Variants in CYTH2 observed in about 807,000 individuals in gnomAD.
CYTH2 encodes the protein cytohesin 2.
CYTH2 carries 24 observed loss-of-function variants against 55.4 expected under a neutral mutation model. The observed-to-expected ratio is 0.43, with a 90% CI of 0.31 to 0.61. The LOEUF (loss-of-function observed/expected upper bound fraction) is 0.61. Ranked by LOEUF, CYTH2 falls within the 20% of genes least tolerant of loss-of-function variation. The pLI, the probability that CYTH2 is intolerant of heterozygous loss-of-function variation, is 0.08. For missense variants in CYTH2, 378 were observed against 533.5 expected, an observed-to-expected ratio of 0.71 and a Z score of 2.87; for synonymous variants, 221 against 209.6, an observed-to-expected ratio of 1.05 and a Z score of -0.47.
Position 48,474,309 on chromosome 19 carries a change from C to T in CYTH2, c.675C>T (p.Asp225=). The T allele has an allele frequency of 6.2e-7, 1 of 1,610,188 alleles. No homozygotes were observed. The highest frequency in any genetic ancestry group is 8.5e-7 in the Non-Finnish European group (1 of 1,177,912). Reference sequence around the variant, plus strand: ...ACCGGGGCATCAACGAGGGCGGGGACCTGCCTGAGGAGCTGCTCAGGGTCA... The same window carrying T: ...ACCGGGGCATCAACGAGGGCGGGGATCTGCCTGAGGAGCTGCTCAGGGTCA... The part of the protein sequence containing the change: ...AMNRGINEGG[D]LPEELLRNLY... Residue 225 remains aspartate, a synonymous_variant, in exon 7 of 12, where the codon GAC becomes GAT. Coordinates refer to ENST00000452733, the MANE Select transcript of CYTH2 (RefSeq NM_004228.7). The surrounding 1 kb of genome is among the most constrained non-coding windows in gnomAD (Gnocchi z 4.9).
intron 8 of CYTH2, chr19:48,476,728 T>C (rs929626056): frequency 2.0e-5 from 3 of 152,120 alleles, no homozygotes; most frequent in African/African-American, 7.2e-5. Flanking sequence ...ATACAAAAAT[T>C]AGCCGGGCGT....
chr19:48,469,462 G>T lies in CYTH2; in HGVS notation c.-46G>T. ...CGCGGGCCAACGCGGATCCAGGCCC[G>T]ACTGGCGGGACCGCCCCGGATTCCC... On this transcript the variant is annotated 5_prime_UTR_variant, in exon 1 of 12. Coordinates refer to ENST00000452733, the MANE Select transcript of CYTH2 (RefSeq NM_004228.7). 7.6e-7 allele frequency: 1 copy of T among 1,310,274 alleles called. No individual in the cohort carries two copies. The highest frequency in any genetic ancestry group is 2.1e-5 in the South Asian group (1 of 46,556). The allele number at this position is 1,310,274 out of a possible 1,614,324, so 81.2% of individuals were successfully genotyped here.
Position 48,474,958 on chromosome 19 carries a change from C to T in CYTH2, c.808+9C>T. ...CTGGCTCCTGAAGCTGGGTACGTGC[C>T]CTCCCGACCCCGCTGGTCCCTCCGC... On this transcript the variant is annotated intron_variant, in intron 8 of 11. Coordinates refer to ENST00000452733, the MANE Select transcript of CYTH2 (RefSeq NM_004228.7). This position sits in a 1 kb window ranked among gnomAD's most constrained non-coding sequence, Gnocchi z 4.9. 6.2e-7 allele frequency: 1 copy of T among 1,612,814 alleles called. No homozygotes were observed. Among genetic ancestry groups the T allele is most frequent in the Non-Finnish European group, 8.5e-7 (1 of 1,178,974 alleles).
intron 8 of CYTH2, chr19:48,477,813 A>C: frequency 2.0e-6 from 1 of 497,368 alleles, no homozygotes; most frequent in Non-Finnish European, 3.6e-6. Context: ...CCACAGGAGG[A>C]GGGGGCTGGG....
chr19:48,479,057 TGAGG>T, intron 11 of CYTH2, 62 bp from the exon 12 acceptor site: 1 of 1,518,286 alleles, frequency 6.6e-7, no homozygotes, highest in Non-Finnish European at 9.1e-7. Context: ...CTCCTGGGTA[TGAGG>T]GAGGAGGGGC....
chr19:48,472,541 C>A, intron 4 of CYTH2, 98 bp downstream of exon 4: 2 of 984,312 alleles, frequency 2.0e-6, no homozygotes, highest in Non-Finnish European at 3.1e-6. Context: ...AACAGCCCTG[C>A]AGCCTCCCCG....
Position 48,474,404 on chromosome 19 carries a change from C to T in CYTH2, c.696+74C>T. On this transcript the variant is annotated intron_variant, in intron 7 of 11. Transcript: ENST00000452733. The surrounding 1 kb of genome is among the most constrained non-coding windows in gnomAD (Gnocchi z 4.9). ...GACACCCCCGCCCCACCTGTGGTCT[C>T]CTAGTGCCCAAGCTGTCTGCCCTCA... 1 of 1,473,160 alleles carries T rather than the reference C, an allele frequency of 6.8e-7. No individual in the cohort carries two copies. The highest frequency in any genetic ancestry group is 1.3e-5 in the South Asian group (1 of 74,398). 91.3% of individuals were successfully genotyped at this position (1,473,160 alleles called of 1,614,324 possible).
rs1405322816 is a variant in CYTH2, at chr19:48,481,729, T to C, written c.*2519T>C. On this transcript the variant is annotated 3_prime_UTR_variant, in exon 12 of 12. Coordinates refer to ENST00000452733, the MANE Select transcript of CYTH2 (RefSeq NM_004228.7). Reference sequence around the variant, plus strand: ...GGTTTCACCATATTGGCCAAGCTGGTCTCGAACTCCTGACCTCAGGCGATC... The same window carrying C: ...GGTTTCACCATATTGGCCAAGCTGGCCTCGAACTCCTGACCTCAGGCGATC... 6.5e-6 allele frequency: 1 copy of C among 153,074 alleles called. No homozygotes were observed. The highest frequency in any genetic ancestry group is 1.5e-5 in the Non-Finnish European group (1 of 68,634). 9.5% of individuals were successfully genotyped at this position (153,074 alleles called of 1,614,324 possible).
At chr19:48,475,684 G>A (rs961484697) in intron 8 of CYTH2, 2 of 182,096 alleles carry the variant, frequency 1.1e-5, no homozygotes, top group Non-Finnish European at 2.3e-5. Flanking sequence ...CTGTACATGA[G>A]ATTTGCCTGG....
In CYTH2 at chr19:48,473,932, C is replaced by T. The variant is rs28582663; in HGVS notation, c.462C>T (p.Pro154=). The change falls in exon 6 of 12, where the codon CCC becomes CCT. Residue 154 remains proline (P), a synonymous_variant. Transcript: ENST00000452733. The part of the protein sequence containing the change: ...LRQFLWSFRL[P]GEAQKIDRMM... ...AGTTTCTATGGAGCTTTCGCCTACC[C>T]GGAGAGGCCCAGAAAATTGACCGGA... 2.1e-3 allele frequency: 3,378 copies of T among 1,613,126 alleles called. 78 individuals carry two copies. In the African/African-American group the frequency reaches 0.041, roughly 19 times the overall value.
chr19:48,473,873 TG>T, intron 5 of CYTH2, 31 bp from the exon 6 acceptor site: 3 of 1,543,918 alleles, frequency 1.9e-6, no homozygotes, highest in Non-Finnish European at 2.6e-6. Context: ...CCACCAGCCC[TG>T]GCATCCATTC....
chr19:48,475,923 C>A, intron 8 of CYTH2: 2 of 460,092 alleles, frequency 4.3e-6, no homozygotes, highest in Non-Finnish European at 4.4e-6. Flanking sequence ...CACATCTGGG[C>A]AGTTACAGTC....
At position 48,473,331 on chromosome 19, in the gene CYTH2, T is replaced by A; in HGVS notation, c.387T>A (p.Phe129Leu). The A allele has an allele frequency of 6.2e-7, 1 of 1,614,148 alleles. No individual in the cohort carries two copies. ...TGAACCTGGCAGTGCTCCATGCTTT[T>A]GTGGATCTGCATGAGTTCACCGACC... ...EELNLAVLHA[F>L]VDLHEFTDLN... Residue 129 changes from phenylalanine to leucine, a missense_variant, in exon 5 of 12, where the codon TTT becomes TTA. Phe to Leu is a conservative substitution (Grantham distance 22, BLOSUM62 0). Transcript: ENST00000452733.
Position 48,474,963 on chromosome 19 carries a change from C to T in CYTH2, c.808+14C>T, listed in dbSNP as rs751429178. 9.0e-5 allele frequency: 145 copies of T among 1,611,498 alleles called. No homozygotes were observed. Among genetic ancestry groups the T allele is most frequent in the Middle Eastern group, 3.3e-4 (2 of 6,076 alleles). On this transcript the variant is annotated intron_variant, in intron 8 of 11. Coordinates refer to ENST00000452733, the MANE Select transcript of CYTH2 (RefSeq NM_004228.7). This position sits in a 1 kb window ranked among gnomAD's most constrained non-coding sequence, Gnocchi z 4.9. ...TCCTGAAGCTGGGTACGTGCCCTCC[C>T]GACCCCGCTGGTCCCTCCGCAGGAG...
chr19:48,471,187 A>T (rs916795383), intron 3 of CYTH2, among the ~76,000 whole-genome samples: 1 of 126,498 alleles, frequency 7.9e-6, no homozygotes, highest in Non-Finnish European at 1.5e-5. Flanking sequence ...TGTGAGACAG[A>T]GTCTTGCTCT....
chr19:48,472,813 G>A (rs903747411), intron 4 of CYTH2: 2 of 368,730 alleles, frequency 5.4e-6, no homozygotes, highest in East Asian at 1.4e-4. Context: ...GGACCGCTGG[G>A]CCCTTGTGGG....
At chr19:48,473,168 G>A in intron 4 of CYTH2, 130 bp from the exon 5 acceptor site, 2 of 952,028 alleles carry the variant, frequency 2.1e-6, no homozygotes. Flanking sequence ...GAGTCCAGCA[G>A]GAAACTTCAC....
intron 1 of CYTH2, chr19:48,469,784 G>A: frequency 3.1e-6 from 2 of 652,624 alleles, no homozygotes; most frequent in East Asian, 5.7e-5. Flanking sequence ...GCGAGGCCGG[G>A]GCGGAACCAT....
At position 48,479,773 on chromosome 19, in the gene CYTH2, C is replaced by T. The variant is rs1447457803; in HGVS notation, c.*563C>T. ...GAAGCTGGTGAGGTTGTGAGCTGGG[C>T]CAGGGCTTTGAGGACAACCTGGAGC... is the stretch of plus-strand genomic sequence containing the variant. On this transcript the variant is annotated 3_prime_UTR_variant, in exon 12 of 12. Coordinates refer to ENST00000452733, the MANE Select transcript of CYTH2 (RefSeq NM_004228.7). 6.4e-6 allele frequency: 1 copy of T among 156,250 alleles called. No homozygotes were observed. Among genetic ancestry groups the T allele is most frequent in the East Asian group, 1.9e-4 (1 of 5,286 alleles). 9.7% of individuals were successfully genotyped at this position (156,250 alleles called of 1,614,324 possible).
Sources: allele counts gnomAD v4.1 joint callset (sites outside exome capture counted in the v4.1 genomes callset), GRCh38; gene constraint gnomAD v4.1.1; non-coding constraint Gnocchi (gnomAD v3.1); transcripts MANE v1.5; gene names NCBI Gene and HGNC (gene_info 2026-07-23, HGNC 2026-07-21).